ZMPSTE24: variants seen among roughly 807,000 people sequenced by gnomAD.
The protein encoded by ZMPSTE24 is zinc metallopeptidase STE24.
ZMPSTE24 carries 48 observed loss-of-function variants against 56.7 expected under a neutral mutation model. The observed-to-expected ratio is 0.85, with a 90% CI of 0.67 to 1.08. The LOEUF (loss-of-function observed/expected upper bound fraction) is 1.08. Ranked by LOEUF, ZMPSTE24 falls within the 50% of genes least tolerant of loss-of-function variation. The pLI is 0.00. For missense variants in ZMPSTE24, 503 were observed against 548.7 expected, an observed-to-expected ratio of 0.92 and a Z score of 0.83; for synonymous variants, 172 against 195.2, an observed-to-expected ratio of 0.88 and a Z score of 0.99.
rs763172715 is a variant in ZMPSTE24 at position 40,292,452 on chromosome 1, C to G, written c.1211C>G (p.Ser404Cys). 1.2e-6 allele frequency: 2 copies of G among 1,613,756 alleles called. No homozygotes were observed. The highest frequency in any genetic ancestry group is 3.3e-5 in the Admixed American group (2 of 59,994). ...FIFSPYNEVL[S>C]FCLTVLSRRF... is the part of the protein sequence containing the mutation. ...TTTCATTTTCTTTTTCAGGTTCTTT[C>G]TTTTTGCCTAACAGTCCTAAGCCGC... Residue 404 changes from serine (S) to cysteine (C), a missense_variant, in exon 10 of 10, where the codon TCT becomes TGT. Ser to Cys is a moderately radical substitution (Grantham distance 112). Coordinates refer to ENST00000372759, the MANE Select transcript of ZMPSTE24 (RefSeq NM_005857.5).
intron 2 of ZMPSTE24, among the ~76,000 whole-genome samples, chr1:40,264,930 G>A (rs535067541): frequency 2.2e-4 from 33 of 150,000 alleles, no homozygotes; most frequent in Non-Finnish European, 4.4e-4. Context: ...ATGTCAAAGC[G>A]CTGGAATTAT....
At chr1:40,289,356 G>C (rs1557782844) in intron 8 of ZMPSTE24, among the ~76,000 whole-genome samples, 1 of 152,214 alleles carries the variant, frequency 6.6e-6, no homozygotes, top group Non-Finnish European at 1.5e-5. Flanking sequence ...CCATGGCCAG[G>C]AATTCAGTCT....
chr1:40,264,850 G>A (rs1206936502), intron 2 of ZMPSTE24, among the ~76,000 whole-genome samples: 1 of 134,906 alleles, frequency 7.4e-6, no homozygotes, highest in Admixed American at 8.6e-5. Context: ...CTGTACCCCC[G>A]CCTGGTGACA....
intron 3 of ZMPSTE24, among the ~76,000 whole-genome samples, chr1:40,268,170 G>T (rs1643575514): frequency 6.6e-6 from 1 of 152,178 alleles, no homozygotes; most frequent in South Asian, 2.1e-4. Flanking sequence ...TTATCTTAGG[G>T]ATTTGTCTGT....
At position 40,267,832 on chromosome 1, in the gene ZMPSTE24, G is replaced by C; in HGVS notation, c.317G>C (p.Gly106Ala). 1 of 1,613,776 alleles carries C rather than the reference G, an allele frequency of 6.2e-7. No individual in the cohort carries two copies. Among genetic ancestry groups the C allele is most frequent in the South Asian group, 1.1e-5 (1 of 91,066 alleles). Residue 106 changes from glycine to alanine, a missense_variant, in exon 3 of 10, where the codon GGA (glycine) becomes GCA (alanine). Physicochemically the swap from Gly to Ala is moderately conservative, Grantham distance 60. Coordinates refer to ENST00000372759, the MANE Select transcript of ZMPSTE24 (RefSeq NM_005857.5). Reference sequence around the variant, plus strand: ...ATACCTTATCTCTGGAGACTTTCTGGACGGTTCTGTGGTTATGCTGGCTTT... The same window carrying C: ...ATACCTTATCTCTGGAGACTTTCTGCACGGTTCTGTGGTTATGCTGGCTTT... The part of the protein sequence containing the change: ...GGIPYLWRLS[G>A]RFCGYAGFGP...
chr1:40,263,749 T>G (rs1056470267), intron 2 of ZMPSTE24, among the ~76,000 whole-genome samples: 1 of 150,922 alleles, frequency 6.6e-6, no homozygotes, highest in African/African-American at 2.4e-5. Context: ...TTTTTTTTTT[T>G]GCCGTAGTAC....
chr1:40,272,780 A>G (rs1291163940), intron 6 of ZMPSTE24, among the ~76,000 whole-genome samples: 1 of 152,220 alleles, frequency 6.6e-6, no homozygotes, highest in African/African-American at 2.4e-5. Context: ...AATGAATGTA[A>G]TAGTTCTGTT....
intron 6 of ZMPSTE24, among the ~76,000 whole-genome samples, chr1:40,280,429 T>C (rs956832437): frequency 3.9e-5 from 6 of 152,128 alleles, no homozygotes; most frequent in East Asian, 1.9e-4. Flanking sequence ...GCTTTTTTTT[T>C]TTTCTTTCTT....
At chr1:40,263,052 A>G in intron 2 of ZMPSTE24, 2 of 925,642 alleles carry the variant, frequency 2.2e-6, no homozygotes, top group Non-Finnish European at 2.6e-6. Flanking sequence ...ACAGGGCCAT[A>G]GTAAAATAAT....
At chr1:40,288,456 G>T (rs1309492749) in intron 8 of ZMPSTE24, among the ~76,000 whole-genome samples, 1 of 152,240 alleles carries the variant, frequency 6.6e-6, no homozygotes, top group Admixed American at 6.5e-5. Context: ...TCCCTGAGAT[G>T]TGGTACCTTA....
intron 8 of ZMPSTE24, among the ~76,000 whole-genome samples, chr1:40,288,892 C>A (rs1643811705): frequency 6.6e-6 from 1 of 152,058 alleles, no homozygotes; most frequent in African/African-American, 2.4e-5. Context: ...CAGGCTCTCT[C>A]TCCTCCCAGG....
In ZMPSTE24 at chr1:40,294,057, TTTATTC is replaced by T. The variant is rs1643865329; in HGVS notation, c.*1389_*1394del. 1 of 152,688 alleles carries T rather than the reference TTTATTC, an allele frequency of 6.5e-6. No individual in the cohort carries two copies. The highest frequency in any genetic ancestry group is 2.1e-4 in the South Asian group (1 of 4,834). 9.5% of individuals were successfully genotyped at this position (152,688 alleles called of 1,614,324 possible). On this transcript the variant is annotated 3_prime_UTR_variant, in exon 10 of 10. Coordinates refer to ENST00000372759, the MANE Select transcript of ZMPSTE24 (RefSeq NM_005857.5). ...GGCTAAAGAGGAGCAGTCCTATGCT[TTTATTC>T]AGCATCCTTTATCTGTGACTTCATG...
At chr1:40,290,698 G>A (rs1055470909) in intron 8 of ZMPSTE24, 156 bp from the exon 9 acceptor site, 145 of 693,836 alleles carry the variant, frequency 2.1e-4, no homozygotes, top group Admixed American at 1.6e-3. Context: ...TCCTGACCTC[G>A]TGATCCACCC....
At chr1:40,287,543 G>A (rs1277252059) in intron 8 of ZMPSTE24, among the ~76,000 whole-genome samples, 2 of 151,172 alleles carry the variant, frequency 1.3e-5, no homozygotes, top group South Asian at 4.3e-4. Context: ...CAGGCGTGGT[G>A]GCACGCCTGT....
intron 3 of ZMPSTE24, 124 bp from the exon 4 acceptor site, chr1:40,268,295 C>T: frequency 1.3e-6 from 1 of 758,596 alleles, no homozygotes; most frequent in South Asian, 1.4e-5. Context: ...TATTTCAGAC[C>T]TTATGTTATC....
chr1:40,282,910 C>T (rs1026631338), intron 7 of ZMPSTE24, among the ~76,000 whole-genome samples: 1 of 152,114 alleles, frequency 6.6e-6, no homozygotes, highest in Non-Finnish European at 1.5e-5. Flanking sequence ...TTGAGAAATA[C>T]TAGGCTAAAG....
At position 40,272,031 on chromosome 1, in the gene ZMPSTE24, G is replaced by A; in HGVS notation, c.765G>A (p.Val255=). 6.2e-7 allele frequency: 1 copy of A among 1,605,270 alleles called. No homozygotes were observed. The part of the protein sequence containing the change: ...IDFPLTKVYV[V]EGSKRSSHSN... The stretch of plus-strand genomic sequence containing the variant: ...TTCCTTTGACGAAGGTGTATGTTGT[G>A]GAAGGTAAGGCTACCTGGGGATAAG... Residue 255 remains valine, a synonymous_variant, in exon 6 of 10, where the codon GTG becomes GTA. Transcript: ENST00000372759.
intron 2 of ZMPSTE24, among the ~76,000 whole-genome samples, chr1:40,265,196 G>A (rs1235103949): frequency 6.6e-6 from 1 of 152,102 alleles, no homozygotes; most frequent in African/African-American, 2.4e-5. Flanking sequence ...AGTTGCTGTG[G>A]CCTTTACTAA....
Position 40,293,667 on chromosome 1 carries a change from C to G in ZMPSTE24, c.*998C>G, listed in dbSNP as rs1348539558. 6.6e-6 allele frequency: 1 copy of G among 152,176 alleles called. No individual in the cohort carries two copies. Among genetic ancestry groups the G allele is most frequent in the Non-Finnish European group, 1.5e-5 (1 of 68,028 alleles). 9.4% of individuals were successfully genotyped at this position (152,176 alleles called of 1,614,324 possible). ...TTCATTTTTATTTTTGTAATTTTAT[C>G]TGTAAGTCATAAATATTACTTAATC... On this transcript the variant is annotated 3_prime_UTR_variant, in exon 10 of 10. Transcript: ENST00000372759.
Sources: allele counts gnomAD v4.1 joint callset (sites outside exome capture counted in the v4.1 genomes callset), GRCh38; gene constraint gnomAD v4.1.1; transcripts MANE v1.5; gene names NCBI Gene and HGNC (gene_info 2026-07-23, HGNC 2026-07-21).